Variants in TRDN observed in about 807,000 individuals in gnomAD.
TRDN encodes triadin in skeletal muscle.
A neutral mutation model predicts 149.7 loss-of-function variants in TRDN; 161 were observed. The ratio of observed to expected loss-of-function variants is 1.08; its 90% CI spans 0.95 to 1.23. TRDN has a LOEUF of 1.23. Among genes scored for constraint, TRDN ranks in the 50% most tolerant of loss-of-function variants. The pLI is 0.00. For missense variants in TRDN, 896 were observed against 823.5 expected (o/e 1.09, Z -1.08); for synonymous variants, 294 against 250.5 (o/e 1.17, Z -1.64).
chr6:123,526,846 A>T (rs898400804), intron 5 of TRDN, among the ~76,000 whole-genome samples: 1 of 152,048 alleles, frequency 6.6e-6, no homozygotes, highest in Non-Finnish European at 1.5e-5. Flanking sequence ...TAGAGAAAAA[A>T]GGAATTCAGA....
chr6:123,309,335 T>C (rs905664231), intron 24 of TRDN, among the ~76,000 whole-genome samples: 2 of 151,886 alleles, frequency 1.3e-5, no homozygotes, highest in Non-Finnish European at 2.9e-5. Flanking sequence ...CCACCACTGT[T>C]GTGCTCATTC....
chr6:123,257,166 G>A (rs539252434), intron 35 of TRDN, among the ~76,000 whole-genome samples: 1 of 152,024 alleles, frequency 6.6e-6, no homozygotes, highest in Admixed American at 6.6e-5. Flanking sequence ...TTTTAGTAGA[G>A]ACAGAGTTTC....
At chr6:123,435,599 T>C (rs1161051629) in intron 12 of TRDN, among the ~76,000 whole-genome samples, 2 of 145,482 alleles carry the variant, frequency 1.4e-5, no homozygotes, top group Non-Finnish European at 3.0e-5. Context: ...TGAGGGATTG[T>C]AAACAAATAA....
At chr6:123,557,293 C>G (rs1781724817) in intron 2 of TRDN, among the ~76,000 whole-genome samples, 1 of 152,058 alleles carries the variant, frequency 6.6e-6, no homozygotes, top group African/African-American at 2.4e-5. Context: ...ATCGGGGGAC[C>G]TCCCTTGGGA....
At chr6:123,223,886 A>T (rs1341118277) in intron 39 of TRDN, among the ~76,000 whole-genome samples, 2 of 151,712 alleles carry the variant, frequency 1.3e-5, no homozygotes, top group African/African-American at 4.8e-5. Flanking sequence ...TCAATACCCA[A>T]CTAGTGTTTT....
At chr6:123,305,821 G>T (rs1778587214) in intron 24 of TRDN, among the ~76,000 whole-genome samples, 1 of 152,130 alleles carries the variant, frequency 6.6e-6, no homozygotes, top group Admixed American at 6.6e-5. Flanking sequence ...ACTGTGAGCA[G>T]CTCTGACAAT....
intron 24 of TRDN, 91 bp downstream of exon 24, chr6:123,316,366 T>C: frequency 1.6e-6 from 2 of 1,251,052 alleles, no homozygotes; most frequent in East Asian, 2.4e-5. Flanking sequence ...CTAAATATTT[T>C]ATCCAGCCAG....
chr6:123,356,452 T>A (rs1780675811), intron 20 of TRDN, among the ~76,000 whole-genome samples: 1 of 147,254 alleles, frequency 6.8e-6, no homozygotes, highest in Non-Finnish European at 1.5e-5. Context: ...ACTAGCAGAC[T>A]TAATCTGCTA....
chr6:123,266,127 A>G (rs1349253996), intron 32 of TRDN, among the ~76,000 whole-genome samples: 1 of 118,268 alleles, frequency 8.5e-6, no homozygotes, highest in African/African-American at 3.2e-5. Flanking sequence ...TATATTATAT[A>G]TATTATAATA....
chr6:123,591,559 A>C (rs1376645528), intron 1 of TRDN, among the ~76,000 whole-genome samples: 2 of 152,154 alleles, frequency 1.3e-5, no homozygotes, highest in Admixed American at 1.3e-4. Flanking sequence ...AATCTTTATT[A>C]AGTTATTTAA....
chr6:123,387,386 G>A (rs563403839), intron 14 of TRDN, among the ~76,000 whole-genome samples: 23 of 151,914 alleles, frequency 1.5e-4, no homozygotes, highest in African/African-American at 4.8e-4. Flanking sequence ...TTTTATGATC[G>A]ATACACTTCC....
chr6:123,498,978 C>CA (rs1056335939), intron 8 of TRDN, among the ~76,000 whole-genome samples: 9 of 151,608 alleles, frequency 5.9e-5, no homozygotes, highest in African/African-American at 1.5e-4. Flanking sequence ...CTCCATCATC[C>CA]AAAAAAAATT....
At chr6:123,345,297 C>T (rs954681232) in intron 21 of TRDN, among the ~76,000 whole-genome samples, 3 of 151,890 alleles carry the variant, frequency 2.0e-5, no homozygotes, top group African/African-American at 2.4e-5. Flanking sequence ...TGTTGCAACA[C>T]CAATTTGTTC....
chr6:123,453,024 G>A (rs1245912574), intron 10 of TRDN, among the ~76,000 whole-genome samples: 1 of 151,910 alleles, frequency 6.6e-6, no homozygotes, highest in Non-Finnish European at 1.5e-5. Context: ...TTCAACAAAT[G>A]GTGCTGGGAT....
At position 123,636,793 on chromosome 6, in the gene TRDN, A is replaced by T; in HGVS notation, c.-18T>A. The T allele has an allele frequency of 6.2e-7, 1 of 1,611,500 alleles. No homozygotes were observed. On this transcript the variant is annotated 5_prime_UTR_variant, in exon 1 of 41. Transcript: ENST00000334268. ...TCAGTCATGGTGGTCGTCAAAAGTA[A>T]AAGTCAGTTGAAAAGTTCCCGTCAA...
chr6:123,533,049 T>C (rs1780327339), intron 4 of TRDN, among the ~76,000 whole-genome samples: 1 of 152,036 alleles, frequency 6.6e-6, no homozygotes, highest in Non-Finnish European at 1.5e-5. Context: ...ATAAAGCAAG[T>C]AAAATATCAA....
intron 38 of TRDN, among the ~76,000 whole-genome samples, chr6:123,249,528 C>T (rs1218538642): frequency 6.6e-6 from 1 of 152,102 alleles, no homozygotes; most frequent in African/African-American, 2.4e-5. Flanking sequence ...TGGAATCAAC[C>T]TAAGTGCCCA....
At chr6:123,470,535 AG>A (rs1239149129) in intron 9 of TRDN, 1 of 152,280 alleles carries the variant, frequency 6.6e-6, no homozygotes, top group East Asian at 1.9e-4. Context: ...TGGCAAGCAT[AG>A]AGCAGTGAGG....
chr6:123,498,691 T>C (rs1229930575), intron 8 of TRDN: 1 of 453,104 alleles, frequency 2.2e-6, no homozygotes, highest in Non-Finnish European at 4.6e-6. Context: ...GTATTTTCTC[T>C]TTTCTAGACA....
Sources: gnomAD v4.1 joint callset for allele counts (sites outside exome capture counted in the v4.1 genomes callset) on GRCh38, gnomAD v4.1.1 for gene constraint, MANE v1.5 for transcripts, NCBI Gene and HGNC (gene_info 2026-07-23, HGNC 2026-07-21) for gene names.